CFAP95: variants seen among roughly 807,000 people sequenced by gnomAD.
CFAP95 encodes cilia- and flagella-associated protein 95.
At chr9:69,881,257 AT>A in the CFAP95 span, among the ~76,000 whole-genome samples, 3 of 152,036 alleles carry the variant, frequency 2.0e-5, no homozygotes, top group Non-Finnish European at 2.9e-5. Flanking sequence ...TGTCCTGGAG[AT>A]TTTTCCCAAT....
the CFAP95 span, among the ~76,000 whole-genome samples, chr9:69,878,957 G>C: frequency 6.6e-6 from 1 of 152,106 alleles, no homozygotes; most frequent in East Asian, 1.9e-4. Flanking sequence ...AAGAGAGTTG[G>C]GGGGCAGGAG....
chr9:69,880,639 T>C, the CFAP95 span, among the ~76,000 whole-genome samples: 1 of 152,222 alleles, frequency 6.6e-6, no homozygotes, highest in African/African-American at 2.4e-5. Context: ...AGGTATTTCT[T>C]TGATATACTG....
chr9:69,871,229 A>AAAC, the CFAP95 span, among the ~76,000 whole-genome samples: 2 of 151,866 alleles, frequency 1.3e-5, no homozygotes, highest in Admixed American at 1.3e-4. Context: ...AATAAAAATA[A>AAAC]AATAATAATA....
the CFAP95 span, among the ~76,000 whole-genome samples, chr9:69,849,654 C>T: frequency 2.6e-5 from 4 of 152,104 alleles, no homozygotes; most frequent in African/African-American, 9.7e-5. Context: ...GGTATGGTTT[C>T]CTTTGAAGCT....
the CFAP95 span, among the ~76,000 whole-genome samples, chr9:69,828,607 T>A: frequency 1.3e-5 from 2 of 152,084 alleles, no homozygotes; most frequent in Non-Finnish European, 2.9e-5. Flanking sequence ...CGCTGGAGCA[T>A]GGGAGGCAGA....
chr9:69,844,876 A>T, the CFAP95 span, among the ~76,000 whole-genome samples: 9 of 152,250 alleles, frequency 5.9e-5, no homozygotes, highest in Non-Finnish European at 2.9e-5. Context: ...AAAAGTGCCT[A>T]GGAAATTGTT....
chr9:69,843,551 C>CTT, the CFAP95 span, among the ~76,000 whole-genome samples: 215 of 16,950 alleles, frequency 0.013, 26 homozygotes, highest in Non-Finnish European at 0.021. Flanking sequence ...TCCTCCTCCT[C>CTT]CTCCTCCTTC....
chr9:69,894,382 A>T, the CFAP95 span, among the ~76,000 whole-genome samples: 1 of 152,238 alleles, frequency 6.6e-6, no homozygotes, highest in East Asian at 1.9e-4. Context: ...AATAAAATAT[A>T]CAGTTGCTGG....
chr9:69,898,074 C>T, the CFAP95 span, among the ~76,000 whole-genome samples: 1 of 152,074 alleles, frequency 6.6e-6, no homozygotes, highest in South Asian at 2.1e-4. Flanking sequence ...CTTTCTTTTC[C>T]TCCTTCTACC....
the CFAP95 span, among the ~76,000 whole-genome samples, chr9:69,897,737 G>A: frequency 1.3e-5 from 2 of 152,126 alleles, no homozygotes; most frequent in South Asian, 2.1e-4. Context: ...GGGGCAATGG[G>A]GGTGGAGGTG....
At chr9:69,830,018 G>A in the CFAP95 span, among the ~76,000 whole-genome samples, 5 of 152,138 alleles carry the variant, frequency 3.3e-5, no homozygotes, top group Admixed American at 6.5e-5. Flanking sequence ...GAAAGGCAGC[G>A]GTAAGCTGGG....
At chr9:69,855,283 G>C in the CFAP95 span, among the ~76,000 whole-genome samples, 1 of 152,130 alleles carries the variant, frequency 6.6e-6, no homozygotes, top group Non-Finnish European at 1.5e-5. Context: ...TCAAAGAGTT[G>C]GTTGATTTGC....
At chr9:69,865,481 A>G in the CFAP95 span, among the ~76,000 whole-genome samples, 2 of 152,088 alleles carry the variant, frequency 1.3e-5, no homozygotes, top group Non-Finnish European at 2.9e-5. Context: ...TTTGGACAAC[A>G]TCCTCTCACC....
the CFAP95 span, among the ~76,000 whole-genome samples, chr9:69,837,559 C>T: frequency 3.3e-5 from 5 of 152,110 alleles, no homozygotes; most frequent in Admixed American, 6.5e-5. Flanking sequence ...ATGTCCTTCG[C>T]CCACTTTTTG....
chr9:69,895,481 T>A, the CFAP95 span, among the ~76,000 whole-genome samples: 1 of 152,106 alleles, frequency 6.6e-6, no homozygotes, highest in East Asian at 1.9e-4. Flanking sequence ...CAGATTCTAC[T>A]ATTTGATTTG....
the CFAP95 span, among the ~76,000 whole-genome samples, chr9:69,860,879 A>T: frequency 1.3e-5 from 2 of 152,094 alleles, no homozygotes; most frequent in Non-Finnish European, 2.9e-5. Flanking sequence ...GGGCAGTAAC[A>T]TGCATGGAGT....
chr9:69,871,422 A>C, the CFAP95 span, among the ~76,000 whole-genome samples: 1 of 152,118 alleles, frequency 6.6e-6, no homozygotes, highest in Non-Finnish European at 1.5e-5. Flanking sequence ...AGCATACGGT[A>C]GGAATAATCA....
the CFAP95 span, among the ~76,000 whole-genome samples, chr9:69,894,438 A>G: frequency 2.6e-5 from 4 of 152,196 alleles, no homozygotes; most frequent in Non-Finnish European, 5.9e-5. Flanking sequence ...AAGCAAGGAA[A>G]CAAGGAAAGG....
At chr9:69,856,536 G>A in the CFAP95 span, 1 of 1,465,236 alleles carries the variant, frequency 6.8e-7, no homozygotes, top group Non-Finnish European at 9.4e-7. Flanking sequence ...TTTCTTATAT[G>A]TGGCTTCTAT....
Sources: allele counts gnomAD v4.1 joint callset (sites outside exome capture counted in the v4.1 genomes callset), GRCh38; gene constraint gnomAD v4.1.1; transcripts MANE v1.5; gene names NCBI Gene and HGNC (gene_info 2026-07-23, HGNC 2026-07-21).